The following GRIN2A variants were observed in gnomAD, a reference collection of about 807,000 sequenced individuals.
GRIN2A encodes glutamate receptor ionotropic, NMDA 2A.
In GRIN2A, 22 loss-of-function variants were observed where a neutral mutation model predicts 113.4. The observed-to-expected ratio is 0.19, with a 90% CI of 0.14 to 0.28. The LOEUF is 0.28. Among genes scored for constraint, GRIN2A ranks in the 10% least tolerant of loss-of-function variants. GRIN2A has a pLI of 1.00. For synonymous variants in GRIN2A, 827 were observed against 738.4 expected (o/e 1.12, Z -1.94); for missense variants, 1,502 against 1,887.0 (o/e 0.80, Z 3.78).
intron 2 of GRIN2A, 164 bp downstream of exon 2, chr16:10,179,834 G>T (rs2050222253): frequency 2.9e-6 from 2 of 678,000 alleles, no homozygotes; most frequent in Admixed American, 2.3e-5. Flanking sequence ...TTCTGGGTTG[G>T]AGAGGCAAGA....
chr16:10,063,152 T>C (rs566450306), intron 2 of GRIN2A, among the ~76,000 whole-genome samples: 16 of 152,256 alleles, frequency 1.1e-4, no homozygotes, highest in African/African-American at 3.9e-4. Flanking sequence ...ATGTTCTCAC[T>C]TATAAGTGAG....
intron 3 of GRIN2A, among the ~76,000 whole-genome samples, chr16:9,926,751 G>A (rs776878199): frequency 3.3e-5 from 5 of 152,136 alleles, no homozygotes; most frequent in African/African-American, 4.8e-5. Context: ...GGTGTACTGC[G>A]CAGAGATGAC....
intron 2 of GRIN2A, among the ~76,000 whole-genome samples, chr16:10,071,925 G>A (rs1302688572): frequency 1.3e-5 from 2 of 152,208 alleles, no homozygotes; most frequent in African/African-American, 2.4e-5. Flanking sequence ...AGGAAATGGA[G>A]GCACAGAAAG....
intron 2 of GRIN2A, among the ~76,000 whole-genome samples, chr16:9,975,876 G>A (rs1365583416): frequency 6.6e-6 from 1 of 152,154 alleles, no homozygotes; most frequent in Non-Finnish European, 1.5e-5. Context: ...ATCTTTATTA[G>A]CATCAGATAA....
intron 10 of GRIN2A, among the ~76,000 whole-genome samples, chr16:9,819,456 A>C (rs1269313880): frequency 5.3e-5 from 8 of 151,878 alleles, no homozygotes; most frequent in Non-Finnish European, 1.0e-4. Flanking sequence ...AGGGAAGTCC[A>C]GGCTGCAATA....
chr16:10,144,335 T>C lies in GRIN2A; in HGVS notation c.414+35663A>G, dbSNP rs1318978751. Reference sequence around the variant, plus strand: ...CACTTGTTATCTTTGGTCATTTTTATAATAGCCATCCTAACAGGTGTGAGA... The same window carrying C: ...CACTTGTTATCTTTGGTCATTTTTACAATAGCCATCCTAACAGGTGTGAGA... On this transcript the variant is annotated intron_variant, in intron 2 of 12. Transcript: ENST00000330684. 2.6e-5 allele frequency among the ~76,000 whole-genome samples: 4 copies of C among 152,236 alleles called. No individual in the cohort carries two copies. In the East Asian group the frequency reaches 5.8e-4, roughly 22 times the overall value.
chr16:9,857,688 G>T (rs2042992438), intron 4 of GRIN2A, among the ~76,000 whole-genome samples: 1 of 152,144 alleles, frequency 6.6e-6, no homozygotes, highest in Admixed American at 6.5e-5. Flanking sequence ...TAATTCACAG[G>T]ATTGCTGAGA....
chr16:9,831,348 T>C (rs2042488969), intron 8 of GRIN2A, among the ~76,000 whole-genome samples: 1 of 152,118 alleles, frequency 6.6e-6, no homozygotes, highest in Non-Finnish European at 1.5e-5. Context: ...TTCCAAGTCA[T>C]TGCAGTCCTT....
chr16:10,161,122 G>A (rs1054613147), intron 2 of GRIN2A, among the ~76,000 whole-genome samples: 5 of 152,162 alleles, frequency 3.3e-5, no homozygotes, highest in Non-Finnish European at 5.9e-5. Context: ...GGACCTGGTG[G>A]GAGGTAATTT....
At chr16:10,071,177 G>A (rs1418158588) in intron 2 of GRIN2A, among the ~76,000 whole-genome samples, 2 of 152,184 alleles carry the variant, frequency 1.3e-5, no homozygotes, top group Non-Finnish European at 2.9e-5. Flanking sequence ...GAATACTGTT[G>A]CATGGAAATT....
chr16:9,909,047 G>A (rs1377374759), intron 3 of GRIN2A, among the ~76,000 whole-genome samples: 1 of 152,134 alleles, frequency 6.6e-6, no homozygotes, highest in East Asian at 1.9e-4. Flanking sequence ...TACCTGAACT[G>A]GGAAGAAAAA....
intron 2 of GRIN2A, among the ~76,000 whole-genome samples, chr16:10,056,702 C>G (rs1434876474): frequency 1.3e-5 from 2 of 152,052 alleles, no homozygotes; most frequent in Non-Finnish European, 2.9e-5. Flanking sequence ...AATATGGAAA[C>G]AGAGACTAGA....
intron 2 of GRIN2A, among the ~76,000 whole-genome samples, chr16:10,175,876 G>T (rs563866800): frequency 3.3e-5 from 5 of 152,230 alleles, no homozygotes; most frequent in South Asian, 2.1e-4. Flanking sequence ...GCTTACCAGG[G>T]ACTATTACTG....
chr16:10,043,944 CAT>C (rs144898289), intron 2 of GRIN2A, among the ~76,000 whole-genome samples: 8,046 of 148,654 alleles, frequency 0.054, 318 homozygotes, highest in African/African-American at 0.11. Flanking sequence ...TATATACACA[CAT>C]ATATATGTAT....
chr16:10,096,865 A>T (rs534740272), intron 2 of GRIN2A, among the ~76,000 whole-genome samples: 1 of 152,262 alleles, frequency 6.6e-6, no homozygotes, highest in East Asian at 1.9e-4. Flanking sequence ...CTCAAGCCAC[A>T]TTCTCTGAGC....
At chr16:10,132,170 A>G (rs1413391844) in intron 2 of GRIN2A, among the ~76,000 whole-genome samples, 1 of 151,904 alleles carries the variant, frequency 6.6e-6, no homozygotes, top group African/African-American at 2.4e-5. Context: ...CATCTCTTCT[A>G]AAAATACAAA....
At chr16:9,874,268 A>T (rs1217378770) in intron 4 of GRIN2A, among the ~76,000 whole-genome samples, 3 of 152,382 alleles carry the variant, frequency 2.0e-5, no homozygotes, top group Middle Eastern at 3.4e-3. Flanking sequence ...GCTAGATAAC[A>T]AACCATACGG....
chr16:10,172,496 G>T (rs1341479612), intron 2 of GRIN2A, among the ~76,000 whole-genome samples: 1 of 152,240 alleles, frequency 6.6e-6, no homozygotes, highest in Non-Finnish European at 1.5e-5. Flanking sequence ...GTGCCTTCAG[G>T]ATACTGTGTA....
intron 2 of GRIN2A, among the ~76,000 whole-genome samples, chr16:10,032,705 A>G (rs1258734752): frequency 6.6e-6 from 1 of 152,194 alleles, no homozygotes. Flanking sequence ...AACACAGTTT[A>G]ATGCCGGTCT....
Sources: allele counts gnomAD v4.1 joint callset (sites outside exome capture counted in the v4.1 genomes callset), GRCh38; gene constraint gnomAD v4.1.1; transcripts MANE v1.5; gene names NCBI Gene and HGNC (gene_info 2026-07-23, HGNC 2026-07-21).